The following DTNA variants were observed in gnomAD, a reference collection of about 807,000 sequenced individuals.
DTNA encodes dystrobrevin alpha, also known as dystrophin-related protein 3.
In DTNA, 43 loss-of-function variants were observed where a neutral mutation model predicts 100.7. The ratio of observed to expected loss-of-function variants is 0.43; its 90% CI spans 0.33 to 0.55. The LOEUF (loss-of-function observed/expected upper bound fraction) is 0.55, where lower values mean the gene tolerates loss of function less well. Among genes scored for constraint, DTNA ranks in the 20% least tolerant of loss-of-function variants. The probability of loss-of-function intolerance (pLI) is 0.04; values close to 1 mark genes in which losing one functional copy is unlikely to be tolerated. For missense variants in DTNA, 798 were observed against 953.9 expected (o/e 0.84, Z 2.15); for synonymous variants, 349 against 347.9 (o/e 1.00, Z -0.04).
At chr18:34,716,203 A>T (rs59591224) in intron 1 of DTNA, among the ~76,000 whole-genome samples, 1,786 of 152,322 alleles carry the variant, frequency 0.012, 42 homozygotes, top group African/African-American at 0.041. Context: ...TAGCAGTCTG[A>T]AAAAGAAAAT....
At chr18:34,597,836 G>A (rs1000399365) in intron 1 of DTNA, among the ~76,000 whole-genome samples, 1 of 150,432 alleles carries the variant, frequency 6.6e-6, no homozygotes, top group South Asian at 2.1e-4. Flanking sequence ...TTCCTTTAGG[G>A]TTGACCTCAT....
rs1342442813 is a variant in DTNA at position 34,890,692 on chromosome 18, A to C, written c.*2958A>C. The C allele has an allele frequency of 8.4e-6, 5 of 597,390 alleles. No homozygotes were observed. The highest frequency in any genetic ancestry group is 1.4e-5 in the Non-Finnish European group (5 of 356,762). 37.0% of individuals were successfully genotyped at this position (597,390 alleles called of 1,614,324 possible). On this transcript the variant is annotated 3_prime_UTR_variant, in exon 23 of 23. Transcript: ENST00000444659. ...GTTGGTCAGGACGGAAGTTGGGGTA[A>C]GTTTGGTTGGTCAGAGGGAGTTGTG...
At chr18:34,726,096 G>A (rs535671093) in intron 1 of DTNA, among the ~76,000 whole-genome samples, 4 of 152,196 alleles carry the variant, frequency 2.6e-5, no homozygotes, top group South Asian at 2.1e-4. Flanking sequence ...AGAGCCTGTC[G>A]GGGAGTGGGG....
chr18:34,672,638 T>C (rs2076911250), intron 1 of DTNA, among the ~76,000 whole-genome samples: 1 of 152,142 alleles, frequency 6.6e-6, no homozygotes, highest in Admixed American at 6.5e-5. Context: ...TCATATCCCT[T>C]AGTGAGCAAG....
At chr18:34,818,429 T>C (rs1009869577) in intron 8 of DTNA, 99 bp downstream of exon 8, 16 of 1,550,222 alleles carry the variant, frequency 1.0e-5, no homozygotes, top group Non-Finnish European at 1.4e-5. Flanking sequence ...AGGGCAAACT[T>C]ACCTTCCATC....
intron 1 of DTNA, among the ~76,000 whole-genome samples, chr18:34,693,216 C>T (rs1256867136): frequency 6.6e-6 from 1 of 152,054 alleles, no homozygotes; most frequent in East Asian, 1.9e-4. Flanking sequence ...TGTTCCCTGG[C>T]TCTATGTTAG....
chr18:34,675,679 A>G (rs2077318323), intron 1 of DTNA, among the ~76,000 whole-genome samples: 1 of 152,248 alleles, frequency 6.6e-6, no homozygotes, highest in Non-Finnish European at 1.5e-5. Flanking sequence ...TATAAATAAA[A>G]TCATCATCTA....
chr18:34,868,367 C>T, intron 17 of DTNA: 1 of 615,248 alleles, frequency 1.6e-6, no homozygotes, highest in Non-Finnish European at 2.0e-6. Flanking sequence ...AAAAGCAGAA[C>T]CTTATCAATC....
At chr18:34,816,618 A>T (rs1790523) in intron 7 of DTNA, among the ~76,000 whole-genome samples, 40,101 of 152,130 alleles carry the variant, frequency 0.26, 5,525 homozygotes, top group African/African-American at 0.33. Context: ...TTTACAGAAA[A>T]TTAAACATGG....
chr18:34,586,693 T>C (rs9947402), intron 1 of DTNA, among the ~76,000 whole-genome samples: 16,058 of 152,258 alleles, frequency 0.11, 1,253 homozygotes, highest in African/African-American at 0.21. Context: ...ATGGATTAGA[T>C]ATTTGATTAT....
chr18:34,817,320 G>A (rs767850512), intron 7 of DTNA, among the ~76,000 whole-genome samples: 5 of 152,132 alleles, frequency 3.3e-5, no homozygotes, highest in Admixed American at 2.0e-4. Context: ...TGGTTAGGCC[G>A]GAGAATAGCT....
intron 1 of DTNA, among the ~76,000 whole-genome samples, chr18:34,565,929 G>A (rs368228119): frequency 2.0e-5 from 3 of 152,280 alleles, no homozygotes; most frequent in Admixed American, 6.5e-5. Context: ...ACATAGTGAG[G>A]TATCTTAGGC....
intron 17 of DTNA, among the ~76,000 whole-genome samples, chr18:34,869,667 A>T (rs1367636870): frequency 6.6e-6 from 1 of 152,148 alleles, no homozygotes; most frequent in Non-Finnish European, 1.5e-5. Flanking sequence ...CTTAAGTTTT[A>T]TCTATAATAA....
At position 34,555,988 on chromosome 18, in the gene DTNA, T is replaced by A. The variant is rs562428535; in HGVS notation, c.-2+62474T>A. Among the ~76,000 whole-genome samples the A allele has an allele frequency of 3.4e-3, 517 of 150,206 alleles. 4 individuals are homozygous for A. The highest frequency in any genetic ancestry group is 0.012 in the African/African-American group (488 of 41,128). ...AGTGGGGTGTTAAAGTCTCCCATTA[T>A]TAATGTGTGGGAGTCTAAGTCTCTT... On this transcript the variant is annotated intron_variant, in intron 1 of 19. Transcript: ENST00000283365.
chr18:34,863,831 A>G, intron 16 of DTNA, 135 bp from the exon 17 acceptor site: 1 of 781,246 alleles, frequency 1.3e-6, no homozygotes, highest in Non-Finnish European at 2.2e-6. Flanking sequence ...ATTTGACAAC[A>G]GTTCCCTGCC....
chr18:34,556,710 C>A, intron 1 of DTNA, among the ~76,000 whole-genome samples: 1 of 152,038 alleles, frequency 6.6e-6, no homozygotes, highest in East Asian at 1.9e-4. Context: ...CCACTCTCTT[C>A]TGGCTTGTAG....
At chr18:34,681,152 G>T (rs2078047433) in intron 1 of DTNA, among the ~76,000 whole-genome samples, 1 of 151,976 alleles carries the variant, frequency 6.6e-6, no homozygotes, top group Non-Finnish European at 1.5e-5. Flanking sequence ...TTGTATTAAA[G>T]TTCATCATTT....
intron 4 of DTNA, among the ~76,000 whole-genome samples, chr18:34,798,135 G>A (rs1279983615): frequency 6.6e-6 from 1 of 152,104 alleles, no homozygotes; most frequent in Non-Finnish European, 1.5e-5. Context: ...GAGTAGCTGG[G>A]ACTACAGGCG....
chr18:34,842,758 G>T (rs938425164), intron 13 of DTNA, among the ~76,000 whole-genome samples: 1 of 152,094 alleles, frequency 6.6e-6, no homozygotes, highest in African/African-American at 2.4e-5. Flanking sequence ...ACCTCCCCCA[G>T]TAGGTCCTCT....
Sources: gnomAD v4.1 joint callset for allele counts (sites outside exome capture counted in the v4.1 genomes callset) on GRCh38, gnomAD v4.1.1 for gene constraint, MANE v1.5 for transcripts, NCBI Gene and HGNC (gene_info 2026-07-23, HGNC 2026-07-21) for gene names.